Variants in SLC16A9 observed in about 807,000 individuals in gnomAD.
SLC16A9 encodes monocarboxylate transporter 9.
SLC16A9 carries 26 observed loss-of-function variants against 44.3 expected under a neutral mutation model. The observed-to-expected ratio is 0.59, with a 90% CI of 0.43 to 0.81. SLC16A9 has a LOEUF of 0.81. SLC16A9 is among the 40% of genes least tolerant of loss of function. The pLI, the probability that SLC16A9 is intolerant of heterozygous loss-of-function variation, is 0.00. For synonymous variants in SLC16A9, 230 were observed against 225.1 expected (o/e 1.02, Z -0.19); for missense variants, 559 against 595.8 (o/e 0.94, Z 0.64).
chr10:59,656,523 A>G (rs749603645), intron 4 of SLC16A9, among the ~76,000 whole-genome samples: 9 of 152,232 alleles, frequency 5.9e-5, no homozygotes, highest in Non-Finnish European at 8.8e-5. Context: ...CAAATTACAC[A>G]TTGGAGGCTA....
chr10:59,685,567 A>T (rs982067757), intron 1 of SLC16A9, among the ~76,000 whole-genome samples: 1 of 152,200 alleles, frequency 6.6e-6, no homozygotes, highest in Admixed American at 6.5e-5. Flanking sequence ...TTCCACATCA[A>T]TGCATACTGA....
chr10:59,672,794 A>C lies in SLC16A9; in HGVS notation c.316T>G (p.Phe106Val). The change falls in exon 3 of 6, where the codon TTT becomes GTT. Residue 106 changes from phenylalanine (F) to valine (V), a missense_variant. Transcript: ENST00000395348. ...CCTACAACAATGCCATAGGAAAAAA[A>C]CAGAAAGTAGATATTGGGAGCAAAA... ...SSFAPNIYFLFFSYGIVVGLG... is the reference protein window; with the variant it reads ...SSFAPNIYFLVFSYGIVVGLG... The C allele has an allele frequency of 6.2e-7, 1 of 1,613,528 alleles. No individual in the cohort carries two copies. The highest frequency in any genetic ancestry group is 8.5e-7 in the Non-Finnish European group (1 of 1,179,756).
intron 1 of SLC16A9, among the ~76,000 whole-genome samples, chr10:59,703,650 G>A (rs1323194553): frequency 6.6e-6 from 1 of 152,020 alleles, no homozygotes; most frequent in Non-Finnish European, 1.5e-5. Context: ...GTCTCTTAAT[G>A]TGTTTCGTTT....
At chr10:59,705,194 A>T (rs61863105) in intron 1 of SLC16A9, among the ~76,000 whole-genome samples, 5,827 of 152,242 alleles carry the variant, frequency 0.038, 139 homozygotes, top group Middle Eastern at 0.078. Context: ...GTATTAAAAC[A>T]TTAAAATATG....
At chr10:59,680,658 C>T (rs913480476) in intron 2 of SLC16A9, among the ~76,000 whole-genome samples, 1 of 151,916 alleles carries the variant, frequency 6.6e-6, no homozygotes, top group African/African-American at 2.4e-5. Flanking sequence ...AGTGGTAGTT[C>T]CTAACTAAAA....
intron 1 of SLC16A9, among the ~76,000 whole-genome samples, chr10:59,699,211 GATA>G (rs1318778782): frequency 1.3e-5 from 2 of 152,192 alleles, no homozygotes; most frequent in Non-Finnish European, 2.9e-5. Context: ...AGGCTGTCAG[GATA>G]ATGACTGTCA....
intron 1 of SLC16A9, among the ~76,000 whole-genome samples, chr10:59,701,131 C>T (rs370086454): frequency 2.0e-5 from 3 of 152,138 alleles, no homozygotes; most frequent in African/African-American, 7.2e-5. Context: ...CTGTCATGAC[C>T]GTACTTCCAT....
chr10:59,651,305 T>A lies in SLC16A9; in HGVS notation c.*1467A>T, dbSNP rs2132382065. ...ACAAATTTCAAAATAAATGAAAAGATGATTTTGGCACAATGGGAAGGGTGC... is the reference window on the plus strand; with the variant it reads ...ACAAATTTCAAAATAAATGAAAAGAAGATTTTGGCACAATGGGAAGGGTGC... On this transcript the variant is annotated 3_prime_UTR_variant, in exon 6 of 6. Coordinates refer to ENST00000395348, the MANE Select transcript of SLC16A9 (RefSeq NM_194298.3). The A allele has an allele frequency of 6.6e-6, 1 of 152,310 alleles. No homozygotes were observed. Among genetic ancestry groups the A allele is most frequent in the East Asian group, 1.9e-4 (1 of 5,192 alleles). 9.4% of individuals were successfully genotyped at this position (152,310 alleles called of 1,614,324 possible). A position where few individuals can be genotyped will look rare whatever the true frequency, so the allele number is the denominator to read the frequency against.
intron 1 of SLC16A9, among the ~76,000 whole-genome samples, chr10:59,696,144 C>T (rs1840366412): frequency 2.0e-5 from 3 of 152,200 alleles, no homozygotes; most frequent in African/African-American, 7.2e-5. Context: ...CGGTCTCCCT[C>T]TGATGCCCAG....
chr10:59,661,992 G>T (rs1359685981), intron 4 of SLC16A9, among the ~76,000 whole-genome samples: 1 of 152,050 alleles, frequency 6.6e-6, no homozygotes, highest in Non-Finnish European at 1.5e-5. Flanking sequence ...ACGCAAGATG[G>T]ATTAAAGATT....
intron 2 of SLC16A9, 25 bp downstream of exon 2, chr10:59,684,071 G>C: frequency 1.3e-6 from 2 of 1,583,840 alleles, no homozygotes; most frequent in African/African-American, 2.7e-5. Flanking sequence ...AAAGAGTAAA[G>C]AGAGGCATTA....
In SLC16A9 at chr10:59,654,633, C is replaced by T. The variant is rs768695997; in HGVS notation, c.437-44G>A. The T allele has an allele frequency of 4.8e-6, 7 of 1,454,784 alleles. No homozygotes were observed. In the South Asian group the frequency reaches 9.3e-5, roughly 19 times the overall value. 90.1% of individuals were successfully genotyped at this position (1,454,784 alleles called of 1,614,324 possible). On this transcript the variant is annotated intron_variant, in intron 4 of 5. Transcript: ENST00000395348. Reference sequence around the variant, plus strand: ...CTGTTCAACCTCGTAATCTGAGGCTCTCAGGATTAGAATTTGTAATATCAC... The same window carrying T: ...CTGTTCAACCTCGTAATCTGAGGCTTTCAGGATTAGAATTTGTAATATCAC...
At chr10:59,652,991 A>G in intron 5 of SLC16A9, 41 bp from the exon 6 acceptor site, 2 of 1,514,094 alleles carry the variant, frequency 1.3e-6, no homozygotes, top group Non-Finnish European at 1.8e-6. Context: ...TCATGGAAAT[A>G]GTATGAACAT....
In SLC16A9 at chr10:59,653,705, G is replaced by A. The variant is rs753637875; in HGVS notation, c.1321C>T (p.Leu441Phe). The A allele has an allele frequency of 2.5e-6, 4 of 1,613,770 alleles. No homozygotes were observed. Among genetic ancestry groups the A allele is most frequent in the Non-Finnish European group, 1.7e-6 (2 of 1,179,848 alleles). ...ATGGGTGGTCCTAGGCTATTTCCAA[G>A]TCCAGCAAAGAACATTAATATCCCA... ...AYGILMFFAG[L>F]GNSLGPPIVG... Residue 441 changes from leucine to phenylalanine, a missense_variant, in exon 5 of 6, where the codon CTT becomes TTT. Transcript: ENST00000395348.
At chr10:59,690,187 CAAAA>C (rs963512276) in intron 1 of SLC16A9, among the ~76,000 whole-genome samples, 1 of 151,036 alleles carries the variant, frequency 6.6e-6, no homozygotes, top group African/African-American at 2.4e-5. Context: ...GATGCTGTCT[CAAAA>C]AGAAAAAAAA....
intron 3 of SLC16A9, among the ~76,000 whole-genome samples, chr10:59,671,448 C>A (rs935157452): frequency 6.6e-6 from 1 of 152,152 alleles, no homozygotes; most frequent in Non-Finnish European, 1.5e-5. Context: ...GTTAGAGACA[C>A]GAAGAGTTTG....
rs759421336 is a variant in SLC16A9, at chr10:59,684,307, G to A, written c.-16C>T. 3.1e-6 allele frequency: 5 copies of A among 1,608,082 alleles called. No individual in the cohort carries two copies. The highest frequency in any genetic ancestry group is 4.2e-6 in the Non-Finnish European group (5 of 1,176,812). On this transcript the variant is annotated 5_prime_UTR_variant, in exon 2 of 6. Coordinates refer to ENST00000395348, the MANE Select transcript of SLC16A9 (RefSeq NM_194298.3). ...TAAGTTCCATTGTAAGACAAAATCA[G>A]GAGGCGTTTCTCTGCAGGTCCTAAA...
intron 1 of SLC16A9, among the ~76,000 whole-genome samples, chr10:59,701,614 ATGT>A (rs199940796): frequency 0.039 from 5,992 of 152,348 alleles, 185 homozygotes; most frequent in South Asian, 0.093. Flanking sequence ...TTATAAAACC[ATGT>A]TGTGTTCATA....
At chr10:59,685,922 C>T (rs2132498307) in intron 1 of SLC16A9, among the ~76,000 whole-genome samples, 1 of 151,386 alleles carries the variant, frequency 6.6e-6, no homozygotes. Flanking sequence ...TGGATTTTTG[C>T]AAATTTCTTG....
Sources: gnomAD v4.1 joint callset for allele counts (sites outside exome capture counted in the v4.1 genomes callset) on GRCh38, gnomAD v4.1.1 for gene constraint, MANE v1.5 for transcripts, NCBI Gene and HGNC (gene_info 2026-07-23, HGNC 2026-07-21) for gene names.